ROBO2: variants seen among roughly 807,000 people sequenced by gnomAD.
ROBO2 encodes the protein roundabout guidance receptor 2.
ROBO2 carries 53 observed loss-of-function variants against 160.8 expected under a neutral mutation model. The ratio of observed to expected loss-of-function variants is 0.33; its 90% CI spans 0.26 to 0.41. ROBO2 has a LOEUF of 0.41. ROBO2 is among the 10% of genes least tolerant of loss of function. The pLI, the probability that ROBO2 is intolerant of heterozygous loss-of-function variation, is 1.00. For synonymous variants in ROBO2, 664 were observed against 611.7 expected (o/e 1.09, Z -1.26); for missense variants, 1,577 against 1,722.4 (o/e 0.92, Z 1.49).
chr3:77,254,992 C>A (rs563544825), intron 2 of ROBO2, among the ~76,000 whole-genome samples: 1 of 152,074 alleles, frequency 6.6e-6, no homozygotes. Context: ...AAACGTATTC[C>A]GAAATGTAAA....
At chr3:77,403,407 C>A (rs1001610123) in intron 2 of ROBO2, among the ~76,000 whole-genome samples, 1 of 152,140 alleles carries the variant, frequency 6.6e-6, no homozygotes, top group African/African-American at 2.4e-5. Flanking sequence ...ATTCTACTCT[C>A]TGCATCTATG....
intron 2 of ROBO2, among the ~76,000 whole-genome samples, chr3:75,994,437 C>T (rs1490615549): frequency 6.6e-6 from 1 of 152,126 alleles, no homozygotes; most frequent in African/African-American, 2.4e-5. Context: ...GGTGGTTTTC[C>T]ACCATGCTGT....
At chr3:76,082,309 A>G (rs1400732892) in intron 2 of ROBO2, among the ~76,000 whole-genome samples, 1 of 152,162 alleles carries the variant, frequency 6.6e-6, no homozygotes. Flanking sequence ...TGGATTGGGA[A>G]GAGGAAAGTT....
chr3:76,478,011 G>A (rs959352002), intron 2 of ROBO2, among the ~76,000 whole-genome samples: 2 of 140,170 alleles, frequency 1.4e-5, no homozygotes, highest in Non-Finnish European at 3.1e-5. Flanking sequence ...ATAAGTAGCC[G>A]CTACTTCTTT....
intron 2 of ROBO2, among the ~76,000 whole-genome samples, chr3:75,978,030 A>G (rs1001567182): frequency 1.3e-5 from 2 of 151,510 alleles, no homozygotes; most frequent in Non-Finnish European, 3.0e-5. Context: ...GTATGTTCCA[A>G]TTTTTCAAAA....
chr3:76,787,008 A>C (rs752470233), intron 2 of ROBO2, among the ~76,000 whole-genome samples: 1 of 151,304 alleles, frequency 6.6e-6, no homozygotes, highest in Non-Finnish European at 1.5e-5. Flanking sequence ...ACATCTTCAT[A>C]TGGTGGCAGG....
At chr3:76,527,348 T>G (rs1325394884) in intron 2 of ROBO2, among the ~76,000 whole-genome samples, 1 of 152,174 alleles carries the variant, frequency 6.6e-6, no homozygotes, top group Non-Finnish European at 1.5e-5. Flanking sequence ...ATGGATTATC[T>G]TAATTTTTAT....
intron 2 of ROBO2, among the ~76,000 whole-genome samples, chr3:76,133,008 A>C (rs116077642): frequency 0.013 from 1,982 of 152,202 alleles, 26 homozygotes; most frequent in Middle Eastern, 0.058. Context: ...CTTGACTCAT[A>C]AAGCCCCTTT....
intron 2 of ROBO2, chr3:76,434,352 G>A (rs1049042195): frequency 3.1e-5 from 43 of 1,372,734 alleles, no homozygotes; most frequent in African/African-American, 4.3e-5. Context: ...ATAAGCTTTC[G>A]GGAGAAGAAC....
intron 2 of ROBO2, chr3:76,311,175 A>T (rs2071564877): frequency 6.6e-6 from 1 of 152,250 alleles, no homozygotes; most frequent in Non-Finnish European, 1.5e-5. Context: ...CTGCTACTTC[A>T]GCTGTTAAAG....
At chr3:76,669,957 T>C (rs1457379448) in intron 2 of ROBO2, among the ~76,000 whole-genome samples, 2 of 152,186 alleles carry the variant, frequency 1.3e-5, no homozygotes, top group Non-Finnish European at 2.9e-5. Flanking sequence ...ATTTCTCAAA[T>C]GTGCTTCTTA....
At chr3:76,743,081 C>G (rs1488615106) in intron 2 of ROBO2, among the ~76,000 whole-genome samples, 1 of 152,080 alleles carries the variant, frequency 6.6e-6, no homozygotes, top group African/African-American at 2.4e-5. Context: ...ATTGAGGCAC[C>G]ATATCGCAGG....
At chr3:77,223,656 C>G (rs1454914897) in intron 2 of ROBO2, among the ~76,000 whole-genome samples, 2 of 152,132 alleles carry the variant, frequency 1.3e-5, no homozygotes, top group Admixed American at 6.5e-5. Context: ...TCTGTGCTAG[C>G]TTGGTTCACC....
chr3:77,265,819 C>G (rs1034410340), intron 2 of ROBO2, among the ~76,000 whole-genome samples: 7 of 152,108 alleles, frequency 4.6e-5, no homozygotes, highest in Non-Finnish European at 8.8e-5. Flanking sequence ...CATGCCTGTT[C>G]CTATTTGCTC....
chr3:76,393,516 T>G (rs528749393), intron 2 of ROBO2, among the ~76,000 whole-genome samples: 8 of 152,316 alleles, frequency 5.3e-5, no homozygotes, highest in African/African-American at 1.9e-4. Flanking sequence ...CTTGTTTGTT[T>G]TTATAAACTT....
intron 2 of ROBO2, among the ~76,000 whole-genome samples, chr3:77,160,722 C>T (rs1054792037): frequency 2.2e-4 from 34 of 152,142 alleles, no homozygotes; most frequent in Non-Finnish European, 4.6e-4. Flanking sequence ...ATTTGAACTA[C>T]AGTTTTAGTA....
At chr3:76,521,016 T>C (rs1178018213) in intron 2 of ROBO2, among the ~76,000 whole-genome samples, 1 of 150,704 alleles carries the variant, frequency 6.6e-6, no homozygotes, top group Admixed American at 6.6e-5. Flanking sequence ...AAGTTTGATA[T>C]GAAAAAACAG....
At chr3:76,323,814 T>C (rs949198485) in intron 2 of ROBO2, among the ~76,000 whole-genome samples, 10 of 152,346 alleles carry the variant, frequency 6.6e-5, no homozygotes, top group African/African-American at 2.4e-4. Flanking sequence ...AGCACATGCC[T>C]CCTTGTCTGT....
intron 2 of ROBO2, among the ~76,000 whole-genome samples, chr3:76,865,213 T>A (rs1225565613): frequency 6.6e-6 from 1 of 152,148 alleles, no homozygotes; most frequent in Non-Finnish European, 1.5e-5. Context: ...AAGCATTATG[T>A]TTTTGTCTGT....
Sources: gnomAD v4.1 joint callset for allele counts (sites outside exome capture counted in the v4.1 genomes callset) on GRCh38, gnomAD v4.1.1 for gene constraint, MANE v1.5 for transcripts, NCBI Gene and HGNC (gene_info 2026-07-23, HGNC 2026-07-21) for gene names.